The following ZNF503 variants were observed in gnomAD, a reference collection of about 807,000 sequenced individuals.
The protein encoded by ZNF503 is zinc finger protein 503.
Under a neutral mutation model 34.4 loss-of-function variants are expected in ZNF503, and 15 were observed. That is an observed-to-expected ratio of 0.44 (90% CI 0.29 to 0.67). The LOEUF (loss-of-function observed/expected upper bound fraction) is 0.67, where lower values mean the gene tolerates loss of function less well. Ranked by LOEUF, ZNF503 falls within the 30% of genes least tolerant of loss-of-function variation. The pLI, the probability that ZNF503 is intolerant of heterozygous loss-of-function variation, is 0.13. For synonymous variants in ZNF503, 580 were observed against 456.8 expected (o/e 1.27, Z -3.44); for missense variants, 1,007 against 926.8 (o/e 1.09, Z -1.12).
rs767020444 is a variant in ZNF503 at position 75,401,132 on chromosome 10, C to T, written c.288G>A (p.Leu96=). 15 of 1,612,702 alleles carry T rather than the reference C, an allele frequency of 9.3e-6. No individual in the cohort carries two copies. In the South Asian group the frequency reaches 1.6e-4, roughly 18 times the overall value. ...CGATGGGGCTGACCGGCGTGGAAGGCAGGGGCTGCAGGTACTCGGGGTGCA... is the reference window on the plus strand; with the variant it reads ...CGATGGGGCTGACCGGCGTGGAAGGTAGGGGCTGCAGGTACTCGGGGTGCA... ...HILHPEYLQP[L]PSTPVSPIEL... Residue 96 remains leucine, a synonymous_variant, in exon 1 of 2, where the codon CTG becomes CTA. Transcript: ENST00000372524.
In ZNF503 at chr10:75,399,253, G is replaced by A. The variant is rs1843746819; in HGVS notation, c.1437C>T (p.His479=). ...VYPTHPLHGV[H]SSLTAAAAAG... The stretch of plus-strand genomic sequence containing the variant: ...CAGCCGCGGCGGCCGTTAGCGAGGA[G>A]TGCACACCGTGCAGCGGGTGCGTGG... The change falls in exon 2 of 2, where the codon CAC becomes CAT. Residue 479 remains histidine (H), a synonymous_variant. Coordinates refer to ENST00000372524, the MANE Select transcript of ZNF503 (RefSeq NM_032772.6). The A allele has an allele frequency of 1.9e-6, 3 of 1,596,252 alleles. No individual in the cohort carries two copies. Among genetic ancestry groups the A allele is most frequent in the Non-Finnish European group, 1.7e-6 (2 of 1,171,488 alleles).
chr10:75,398,965 G>A lies in ZNF503; in HGVS notation c.1725C>T (p.Ile575=), dbSNP rs898461529. The stretch of plus-strand genomic sequence containing the variant: ...GGCTGCCCGGTGCGCCCGAGGTGGG[G>A]ATGTGCATGTGGCAAGCCATGGCGG... ...AAAAMACHMH[I]PTSGAPGSPG... Residue 575 remains isoleucine (I), a synonymous_variant, in exon 2 of 2, where the codon ATC becomes ATT. Coordinates refer to ENST00000372524, the MANE Select transcript of ZNF503 (RefSeq NM_032772.6). 2.5e-6 allele frequency: 4 copies of A among 1,604,460 alleles called. No individual in the cohort carries two copies. Among genetic ancestry groups the A allele is most frequent in the Non-Finnish European group, 3.4e-6 (4 of 1,178,862 alleles).
At chr10:75,333,208 C>T in the ZNF503 span, among the ~76,000 whole-genome samples, 85 of 117,530 alleles carry the variant, frequency 7.2e-4, no homozygotes, top group African/African-American at 2.5e-3. Flanking sequence ...ACCTCCCGGA[C>T]GGGGCGGCTG....
At chr10:75,352,695 C>T in the ZNF503 span, among the ~76,000 whole-genome samples, 1 of 152,210 alleles carries the variant, frequency 6.6e-6, no homozygotes, top group Non-Finnish European at 1.5e-5. Flanking sequence ...GCAGATTGGG[C>T]ACATTCTCAT....
chr10:75,303,918 C>T, the ZNF503 span, among the ~76,000 whole-genome samples: 21 of 150,870 alleles, frequency 1.4e-4, no homozygotes, highest in South Asian at 2.1e-4. Flanking sequence ...ACTGCAGCCT[C>T]TGCCTCCTGG....
the ZNF503 span, among the ~76,000 whole-genome samples, chr10:75,303,908 A>G: frequency 6.9e-6 from 1 of 144,352 alleles, no homozygotes; most frequent in African/African-American, 2.6e-5. Flanking sequence ...ATCTCAGTTC[A>G]CTGCAGCCTC....
At chr10:75,346,178 G>T in the ZNF503 span, among the ~76,000 whole-genome samples, 1 of 152,176 alleles carries the variant, frequency 6.6e-6, no homozygotes, top group African/African-American at 2.4e-5. Context: ...TTAGGAGAAT[G>T]GGCTCTGGAG....
chr10:75,352,850 G>C, the ZNF503 span, among the ~76,000 whole-genome samples: 1 of 152,376 alleles, frequency 6.6e-6, no homozygotes, highest in South Asian at 2.1e-4. Context: ...GGATGGACCA[G>C]GAGGGGCTGC....
chr10:75,370,612 C>T, the ZNF503 span, among the ~76,000 whole-genome samples: 4 of 151,900 alleles, frequency 2.6e-5, no homozygotes, highest in South Asian at 8.3e-4. Context: ...AACCCTGTCT[C>T]TACTAAAAAT....
At position 75,401,753 on chromosome 10, in the gene ZNF503, A is replaced by T. The variant is rs1481377700; in HGVS notation, c.-334T>A. On this transcript the variant is annotated 5_prime_UTR_variant, in exon 1 of 2. Transcript: ENST00000372524. ...CTGCGATGCGAGCCGCTGCGTGTCC[A>T]GCCGGGGCTCTGGCGAGGAAACTCA... is the stretch of plus-strand genomic sequence containing the variant. 1 of 347,898 alleles carries T rather than the reference A, an allele frequency of 2.9e-6. No individual in the cohort carries two copies. The highest frequency in any genetic ancestry group is 5.2e-6 in the Non-Finnish European group (1 of 193,820). 21.6% of individuals were successfully genotyped at this position (347,898 alleles called of 1,614,324 possible).
chr10:75,375,504 G>A, the ZNF503 span, among the ~76,000 whole-genome samples: 2 of 151,908 alleles, frequency 1.3e-5, no homozygotes, highest in African/African-American at 4.8e-5. Context: ...ATCTGACCAT[G>A]GAATCCATCT....
rs766973169 is a variant in ZNF503 at position 75,399,785 on chromosome 10, G to A, written c.905C>T (p.Pro302Leu). 1 of 1,595,464 alleles carries A rather than the reference G, an allele frequency of 6.3e-7. No individual in the cohort carries two copies. The highest frequency in any genetic ancestry group is 1.1e-5 in the South Asian group (1 of 89,432). ...VDVNQHPDGG[P>L]GGKALGSDCG... ...GTCCGAGCCCAGAGCCTTGCCTCCC[G>A]GGCCCCCATCCGGATGCTGGTTCAC... The change falls in exon 2 of 2, where the codon CCG becomes CTG. Residue 302 changes from proline (P) to leucine (L), a missense_variant. Coordinates refer to ENST00000372524, the MANE Select transcript of ZNF503 (RefSeq NM_032772.6).
At chr10:75,329,434 CCTTTCTTT>C in the ZNF503 span, among the ~76,000 whole-genome samples, 27 of 87,454 alleles carry the variant, frequency 3.1e-4, no homozygotes, top group South Asian at 9.2e-4. Context: ...TTCCTTCCTT[CCTTTCTTT>C]CTTTCTTTCT....
the ZNF503 span, among the ~76,000 whole-genome samples, chr10:75,300,043 C>T: frequency 1.3e-5 from 2 of 152,284 alleles, no homozygotes; most frequent in South Asian, 4.1e-4. Flanking sequence ...TCCTGATAAG[C>T]CTGGGAGCGC....
At chr10:75,362,945 C>G in the ZNF503 span, among the ~76,000 whole-genome samples, 1 of 152,108 alleles carries the variant, frequency 6.6e-6, no homozygotes, top group African/African-American at 2.4e-5. Flanking sequence ...TCTACCCCCA[C>G]CCCAGCCTTG....
chr10:75,287,358 T>C, the ZNF503 span, among the ~76,000 whole-genome samples: 1 of 152,094 alleles, frequency 6.6e-6, no homozygotes, highest in South Asian at 2.1e-4. Context: ...CTATGTTCTC[T>C]CCCATCTTCC....
At chr10:75,396,572 G>A (rs897525475), downstream of ZNF503, among the ~76,000 whole-genome samples, 1 of 152,198 alleles carries the variant, frequency 6.6e-6, no homozygotes, top group African/African-American at 2.4e-5. This position sits in a 1 kb window ranked among gnomAD's most constrained non-coding sequence, Gnocchi z 4.4. Context: ...GGACGCAGGC[G>A]AGAGGCCAAA....
At chr10:75,325,312 A>G in the ZNF503 span, among the ~76,000 whole-genome samples, 1 of 138,396 alleles carries the variant, frequency 7.2e-6, no homozygotes, top group Non-Finnish European at 1.5e-5. Context: ...CTTTTTGCCA[A>G]TACCATATAT....
the ZNF503 span, among the ~76,000 whole-genome samples, chr10:75,365,363 G>T: frequency 6.6e-6 from 1 of 152,148 alleles, no homozygotes; most frequent in Admixed American, 6.5e-5. Context: ...GGTCAAACTG[G>T]TCTCAAACCC....
Sources: allele counts gnomAD v4.1 joint callset (sites outside exome capture counted in the v4.1 genomes callset), GRCh38; gene constraint gnomAD v4.1.1; non-coding constraint Gnocchi (gnomAD v3.1); transcripts MANE v1.5; gene names NCBI Gene and HGNC (gene_info 2026-07-23, HGNC 2026-07-21).